Variants in FBXW10B observed in about 807,000 individuals in gnomAD.
FBXW10B encodes F-box and WD repeat domain containing protein 10B.
chr17:15,574,063 TCTCGTCTTCTTCATCTGGTTG>T, the FBXW10B span: 1 of 692,828 alleles, frequency 1.4e-6, no homozygotes, highest in Middle Eastern at 2.4e-4. Flanking sequence ...GAGAGGAATG[TCTCGTCTTCTTCATCTGGTTG>T]CCTCCGTCAC....
At chr17:15,592,608 T>G in the FBXW10B span, among the ~76,000 whole-genome samples, 1 of 151,970 alleles carries the variant, frequency 6.6e-6, no homozygotes, top group Admixed American at 6.6e-5. Context: ...TCCCCCACTG[T>G]ACCCCCTGCT....
the FBXW10B span, among the ~76,000 whole-genome samples, chr17:15,590,692 T>A: frequency 6.7e-6 from 1 of 150,242 alleles, no homozygotes; most frequent in African/African-American, 2.5e-5. Context: ...CTTATTTCCC[T>A]CAAACCTTTA....
At chr17:15,602,422 C>G in the FBXW10B span, among the ~76,000 whole-genome samples, 1 of 151,852 alleles carries the variant, frequency 6.6e-6, no homozygotes, top group Non-Finnish European at 1.5e-5. Flanking sequence ...CTCTACCTAA[C>G]GCCACATACA....
chr17:15,577,757 T>C, the FBXW10B span, among the ~76,000 whole-genome samples: 1 of 152,196 alleles, frequency 6.6e-6, no homozygotes, highest in African/African-American at 2.4e-5. Context: ...AGTCATACCA[T>C]AGCGTTCTCT....
the FBXW10B span, chr17:15,598,724 G>T: frequency 1.3e-6 from 2 of 1,584,372 alleles, no homozygotes; most frequent in African/African-American, 1.4e-5. Context: ...TAGAACCCAT[G>T]TAGATAATTA....
chr17:15,604,050 A>G, the FBXW10B span, among the ~76,000 whole-genome samples: 2 of 147,810 alleles, frequency 1.4e-5, no homozygotes, highest in Admixed American at 1.4e-4. Flanking sequence ...ACTGCCCTCC[A>G]GCCTGGGTGA....
chr17:15,601,209 A>G, the FBXW10B span, among the ~76,000 whole-genome samples: 2 of 149,662 alleles, frequency 1.3e-5, no homozygotes, highest in African/African-American at 4.9e-5. Flanking sequence ...GGAGATCGAG[A>G]CCATCCTGGC....
At chr17:15,569,157 T>C in the FBXW10B span, 1 of 737,150 alleles carries the variant, frequency 1.4e-6, no homozygotes, top group Non-Finnish European at 1.9e-6. Context: ...AGATACTCAG[T>C]AGTGGGATTG....
chr17:15,576,489 TCAGA>T, the FBXW10B span, among the ~76,000 whole-genome samples: 3 of 152,234 alleles, frequency 2.0e-5, no homozygotes, highest in Non-Finnish European at 2.9e-5. Context: ...CTCTGGAAAG[TCAGA>T]CAAAGAAGAA....
At chr17:15,601,212 A>C in the FBXW10B span, among the ~76,000 whole-genome samples, 32,449 of 148,606 alleles carry the variant, frequency 0.22, 3,914 homozygotes, top group East Asian at 0.36. Flanking sequence ...GATCGAGACC[A>C]TCCTGGCTAA....
At chr17:15,601,205 C>G in the FBXW10B span, among the ~76,000 whole-genome samples, 4 of 148,724 alleles carry the variant, frequency 2.7e-5, no homozygotes, top group Non-Finnish European at 6.0e-5. Flanking sequence ...GTCAGGAGAT[C>G]GAGACCATCC....
At chr17:15,605,306 T>C in the FBXW10B span, 27 of 1,597,660 alleles carry the variant, frequency 1.7e-5, no homozygotes, top group Non-Finnish European at 2.3e-5. Context: ...CAGCATGGCC[T>C]CGGAATTCAA....
chr17:15,568,893 C>T, the FBXW10B span: 2 of 1,231,702 alleles, frequency 1.6e-6, no homozygotes, highest in Non-Finnish European at 2.0e-6. Context: ...CCTCTCACCT[C>T]AGTGCTTTAG....
chr17:15,586,423 A>G, the FBXW10B span, among the ~76,000 whole-genome samples: 1 of 151,484 alleles, frequency 6.6e-6, no homozygotes, highest in Non-Finnish European at 1.5e-5. Context: ...TGTTGCTTTG[A>G]TAAGGGCTCT....
At chr17:15,593,381 A>G in the FBXW10B span, 2 of 1,614,180 alleles carry the variant, frequency 1.2e-6, no homozygotes, top group Admixed American at 1.7e-5. Flanking sequence ...CGCCTCTGCC[A>G]TTGGCTTTTA....
the FBXW10B span, among the ~76,000 whole-genome samples, chr17:15,592,295 G>GT: frequency 0.026 from 2,841 of 107,644 alleles, 81 homozygotes; most frequent in African/African-American, 0.072. Context: ...AATGGCCAGA[G>GT]TTTTTTTTTT....
At chr17:15,573,376 C>T in the FBXW10B span, 1 of 152,192 alleles carries the variant, frequency 6.6e-6, no homozygotes, top group Non-Finnish European at 1.5e-5. Flanking sequence ...TACTGAGAGT[C>T]TCCTTAAAGG....
the FBXW10B span, chr17:15,598,649 A>G: frequency 2.2e-5 from 35 of 1,611,558 alleles, no homozygotes; most frequent in Admixed American, 1.3e-4. Flanking sequence ...TTCAGATCCC[A>G]GTATCTGCAG....
the FBXW10B span, among the ~76,000 whole-genome samples, chr17:15,617,078 G>T: frequency 6.6e-6 from 1 of 152,194 alleles, no homozygotes; most frequent in South Asian, 2.1e-4. Context: ...CTGGACTTTG[G>T]TCTCCTTATG....
Sources: allele counts gnomAD v4.1 joint callset (sites outside exome capture counted in the v4.1 genomes callset), GRCh38; gene constraint gnomAD v4.1.1; transcripts MANE v1.5; gene names NCBI Gene and HGNC (gene_info 2026-07-23, HGNC 2026-07-21).